Variants in FGGY observed in about 807,000 individuals in gnomAD.
The protein encoded by FGGY is FGGY carbohydrate kinase domain containing.
FGGY carries 72 observed loss-of-function variants against 71.3 expected under a neutral mutation model. That is an observed-to-expected ratio of 1.01 (90% CI 0.84 to 1.23). FGGY has a LOEUF of 1.23. Among genes scored for constraint, FGGY ranks in the 50% most tolerant of loss-of-function variants. The probability of loss-of-function intolerance (pLI) is 0.00; values close to 1 mark genes in which losing one functional copy is unlikely to be tolerated. For synonymous variants in FGGY, 251 were observed against 250.3 expected, an observed-to-expected ratio of 1.00 and a Z score of -0.02; for missense variants, 668 against 682.3, an observed-to-expected ratio of 0.98 and a Z score of 0.23.
intron 6 of FGGY, among the ~76,000 whole-genome samples, 176 bp downstream of exon 6, chr1:59,457,252 C>G (rs1266283948): frequency 6.6e-6 from 1 of 152,134 alleles, no homozygotes; most frequent in Non-Finnish European, 1.5e-5. Context: ...CTAGTAGGCT[C>G]TTGCCTTAAG....
intron 14 of FGGY, among the ~76,000 whole-genome samples, chr1:59,688,426 T>C (rs1383237286): frequency 6.6e-6 from 1 of 152,230 alleles, no homozygotes; most frequent in African/African-American, 2.4e-5. Context: ...CTAATCTTTT[T>C]GTCAGTTTCA....
At chr1:59,674,343 T>A (rs1398388217) in intron 14 of FGGY, among the ~76,000 whole-genome samples, 2 of 152,232 alleles carry the variant, frequency 1.3e-5, no homozygotes, top group African/African-American at 4.8e-5. Context: ...GTCGTTCTGT[T>A]TTTCAGTTGT....
intron 14 of FGGY, among the ~76,000 whole-genome samples, chr1:59,724,794 T>C (rs2097927561): frequency 6.6e-6 from 1 of 152,214 alleles, no homozygotes; most frequent in Admixed American, 6.5e-5. Context: ...GAATCACATG[T>C]TCATATATTT....
chr1:59,346,857 G>A (rs561298436), intron 4 of FGGY, among the ~76,000 whole-genome samples: 1 of 151,608 alleles, frequency 6.6e-6, no homozygotes, highest in East Asian at 1.9e-4. Context: ...TTTTGGCCAG[G>A]CTGATTTCGA....
At chr1:59,613,811 G>C (rs893994153) in intron 9 of FGGY, among the ~76,000 whole-genome samples, 7 of 151,902 alleles carry the variant, frequency 4.6e-5, no homozygotes, top group African/African-American at 1.7e-4. Context: ...AATGATAAAG[G>C]GGATATCACC....
intron 14 of FGGY, among the ~76,000 whole-genome samples, chr1:59,693,779 A>G (rs1376544258): frequency 6.6e-6 from 1 of 151,348 alleles, no homozygotes; most frequent in Non-Finnish European, 1.5e-5. Flanking sequence ...GGCTGAGGCC[A>G]GTGAATCCCT....
At chr1:59,553,955 C>T (rs895311675) in intron 7 of FGGY, 169 bp from the exon 8 acceptor site, 3 of 480,056 alleles carry the variant, frequency 6.2e-6, no homozygotes, top group Non-Finnish European at 1.1e-5. Context: ...GTTTCCTATG[C>T]AGGCAAGTAT....
intron 14 of FGGY, among the ~76,000 whole-genome samples, chr1:59,732,071 G>A (rs1255121013): frequency 6.6e-6 from 1 of 152,166 alleles, no homozygotes; most frequent in Admixed American, 6.5e-5. Flanking sequence ...GTTGCTGTGA[G>A]GATTAAATGA....
At chr1:59,370,291 A>G (rs2057369102) in intron 4 of FGGY, among the ~76,000 whole-genome samples, 1 of 152,220 alleles carries the variant, frequency 6.6e-6, no homozygotes, top group Non-Finnish European at 1.5e-5. Flanking sequence ...AGACGATGCG[A>G]TCACCTGGAA....
At chr1:59,428,225 G>T (rs1040591889) in intron 5 of FGGY, among the ~76,000 whole-genome samples, 11 of 152,172 alleles carry the variant, frequency 7.2e-5, no homozygotes, top group African/African-American at 2.4e-4. Context: ...ATTAACAATG[G>T]TGAGGAACAT....
intron 1 of FGGY, among the ~76,000 whole-genome samples, chr1:59,307,358 C>A (rs1015669093): frequency 1.4e-5 from 2 of 146,262 alleles, no homozygotes; most frequent in African/African-American, 5.1e-5. Flanking sequence ...TTAGACAGAT[C>A]AAACTCAATC....
At chr1:59,589,785 G>A (rs918409731) in intron 8 of FGGY, among the ~76,000 whole-genome samples, 2 of 152,024 alleles carry the variant, frequency 1.3e-5, no homozygotes, top group Non-Finnish European at 2.9e-5. Context: ...CATATTCAAA[G>A]CAGTGTGTAG....
intron 6 of FGGY, among the ~76,000 whole-genome samples, chr1:59,462,642 G>A (rs1385881087): frequency 6.6e-6 from 1 of 152,158 alleles, no homozygotes; most frequent in African/African-American, 2.4e-5. Context: ...CAGCAAGTGG[G>A]CAAAGGATAT....
intron 5 of FGGY, among the ~76,000 whole-genome samples, chr1:59,402,289 T>G (rs748670059): frequency 6.6e-6 from 1 of 152,198 alleles, no homozygotes; most frequent in Admixed American, 6.5e-5. Flanking sequence ...CCGTGTATAC[T>G]TATCTACCAT....
At chr1:59,603,288 A>C (rs2096594890) in intron 8 of FGGY, among the ~76,000 whole-genome samples, 1 of 152,172 alleles carries the variant, frequency 6.6e-6, no homozygotes, top group Non-Finnish European at 1.5e-5. Flanking sequence ...CTATTTTTCC[A>C]AGTGTTAGCA....
Position 59,762,656 on chromosome 1 carries a change from T to G in FGGY, c.*72T>G. ...TAAAGACTTGTCATTTGATCCATGT[T>G]CAAGACCCTTGAGGTATTGTTTCAT... On this transcript the variant is annotated 3_prime_UTR_variant, in exon 16 of 16. Transcript: ENST00000303721. 1 of 1,120,924 alleles carries G rather than the reference T, an allele frequency of 8.9e-7. No homozygotes were observed. The highest frequency in any genetic ancestry group is 1.3e-5 in the South Asian group (1 of 75,024). 69.4% of individuals were successfully genotyped at this position (1,120,924 alleles called of 1,614,324 possible).
intron 11 of FGGY, among the ~76,000 whole-genome samples, chr1:59,645,397 C>T (rs1022656722): frequency 6.6e-5 from 10 of 152,128 alleles, no homozygotes; most frequent in African/African-American, 1.9e-4. Flanking sequence ...AGCAGCCAGC[C>T]GTGGGCCTCC....
At chr1:59,689,343 G>A (rs899743330) in intron 14 of FGGY, among the ~76,000 whole-genome samples, 7 of 152,082 alleles carry the variant, frequency 4.6e-5, no homozygotes, top group African/African-American at 1.2e-4. Flanking sequence ...CAGACAGAAC[G>A]GAGATCAACG....
At chr1:59,514,729 G>A (rs1389191228) in intron 7 of FGGY, among the ~76,000 whole-genome samples, 1 of 152,096 alleles carries the variant, frequency 6.6e-6, no homozygotes, top group Non-Finnish European at 1.5e-5. Flanking sequence ...AGGGGTTTCC[G>A]CTTTTGCTTC....
Sources: gnomAD v4.1 joint callset for allele counts (sites outside exome capture counted in the v4.1 genomes callset) on GRCh38, gnomAD v4.1.1 for gene constraint, MANE v1.5 for transcripts, NCBI Gene and HGNC (gene_info 2026-07-23, HGNC 2026-07-21) for gene names.